C12orf42: variants seen among roughly 807,000 people sequenced by gnomAD.
C12orf42 encodes the protein chromosome 12 open reading frame 42.
Under a neutral mutation model 21.6 loss-of-function variants are expected in C12orf42, and 25 were observed. The ratio of observed to expected loss-of-function variants is 1.16; its 90% CI spans 0.84 to 1.62. C12orf42 has a LOEUF of 1.62. Ranked by LOEUF, C12orf42 falls within the 40% of genes most tolerant of loss-of-function variation. The pLI is 0.00. For missense variants in C12orf42, 483 were observed against 459.3 expected (o/e 1.05, Z -0.47); for synonymous variants, 174 against 175.0 (o/e 0.99, Z 0.05).
chr12:103,131,920 G>A, the C12orf42 span, among the ~76,000 whole-genome samples: 1 of 152,162 alleles, frequency 6.6e-6, no homozygotes, highest in Non-Finnish European at 1.5e-5. Context: ...TAGCGAAGGA[G>A]TGATGTTGGT....
the C12orf42 span, among the ~76,000 whole-genome samples, chr12:103,541,300 C>T: frequency 7.2e-5 from 11 of 152,098 alleles, no homozygotes; most frequent in African/African-American, 2.4e-4. Context: ...TACAGAATTC[C>T]CATTTAAGTT....
At chr12:103,251,224 A>G (rs1032437036) in intron 10 of C12orf42, among the ~76,000 whole-genome samples, 5 of 152,130 alleles carry the variant, frequency 3.3e-5, no homozygotes, top group South Asian at 2.1e-4. Flanking sequence ...ACAGCAACCA[A>G]CTTCTACACC....
the C12orf42 span, among the ~76,000 whole-genome samples, chr12:103,501,597 T>C: frequency 6.6e-6 from 1 of 152,362 alleles, no homozygotes; most frequent in Non-Finnish European, 1.5e-5. Context: ...CCACCTGTTC[T>C]TGCTCAAAGA....
At chr12:103,395,071 A>G (rs2047401424) in intron 3 of C12orf42, among the ~76,000 whole-genome samples, 1 of 152,276 alleles carries the variant, frequency 6.6e-6, no homozygotes, top group African/African-American at 2.4e-5. Context: ...AGCTAAGGAT[A>G]CAACAAAAAG....
intron 2 of C12orf42, among the ~76,000 whole-genome samples, chr12:103,448,154 C>T (rs1951697359): frequency 1.3e-5 from 2 of 152,116 alleles, no homozygotes; most frequent in South Asian, 4.1e-4. Flanking sequence ...TTATAGCCAA[C>T]TGACCTTCAA....
chr12:103,240,226 T>C (rs773088256), intron 10 of C12orf42, among the ~76,000 whole-genome samples: 2 of 152,162 alleles, frequency 1.3e-5, no homozygotes, highest in Non-Finnish European at 2.9e-5. Context: ...GAGTCAATCA[T>C]AGAGATCCTC....
intron 4 of C12orf42, among the ~76,000 whole-genome samples, chr12:103,342,448 C>T (rs567637859): frequency 1.4e-4 from 21 of 152,162 alleles, no homozygotes; most frequent in African/African-American, 4.1e-4. Flanking sequence ...CTACTGTATG[C>T]CAGGCACTAT....
the C12orf42 span, among the ~76,000 whole-genome samples, chr12:103,074,683 T>C: frequency 1.3e-5 from 2 of 152,210 alleles, no homozygotes; most frequent in African/African-American, 4.8e-5. Flanking sequence ...TAATATATAG[T>C]GATACCTATA....
At chr12:103,115,555 C>T in the C12orf42 span, among the ~76,000 whole-genome samples, 1 of 152,176 alleles carries the variant, frequency 6.6e-6, no homozygotes, top group Non-Finnish European at 1.5e-5. Context: ...GGCCTTAGTA[C>T]TCATCCATAA....
intron 4 of C12orf42, among the ~76,000 whole-genome samples, chr12:103,365,092 C>A (rs914530771): frequency 2.0e-5 from 3 of 151,932 alleles, no homozygotes; most frequent in Non-Finnish European, 1.5e-5. Context: ...ACTAGCTAAC[C>A]AGATCCAACA....
chr12:103,543,277 CA>C, the C12orf42 span, among the ~76,000 whole-genome samples: 5 of 152,152 alleles, frequency 3.3e-5, no homozygotes, highest in African/African-American at 1.2e-4. Flanking sequence ...CACTATTAAG[CA>C]ACTCATGACT....
At chr12:103,116,473 G>T in the C12orf42 span, among the ~76,000 whole-genome samples, 1 of 151,404 alleles carries the variant, frequency 6.6e-6, no homozygotes, top group African/African-American at 2.4e-5. Flanking sequence ...GTGTCATAGA[G>T]ATTCCTGGCC....
At chr12:103,137,716 T>G in the C12orf42 span, among the ~76,000 whole-genome samples, 2 of 152,202 alleles carry the variant, frequency 1.3e-5, no homozygotes, top group African/African-American at 4.8e-5. Context: ...CATGTCATTT[T>G]CAGTAACATG....
At chr12:103,312,057 C>T (rs1321643207) in intron 4 of C12orf42, among the ~76,000 whole-genome samples, 1 of 152,202 alleles carries the variant, frequency 6.6e-6, no homozygotes, top group Non-Finnish European at 1.5e-5. Context: ...TCCTTTACAA[C>T]TTGCATGTTC....
At chr12:103,136,280 G>A in the C12orf42 span, among the ~76,000 whole-genome samples, 2 of 151,940 alleles carry the variant, frequency 1.3e-5, no homozygotes, top group African/African-American at 4.8e-5. Flanking sequence ...AATAAAGAAA[G>A]CTATATAAAA....
the C12orf42 span, among the ~76,000 whole-genome samples, chr12:103,519,912 A>G: frequency 1.7e-4 from 26 of 152,290 alleles, 1 homozygote; most frequent in South Asian, 2.1e-3. Flanking sequence ...TCATCCTGAG[A>G]GCAAGTTTAC....
chr12:103,428,727 C>G (rs1950037172), intron 2 of C12orf42, among the ~76,000 whole-genome samples: 1 of 152,108 alleles, frequency 6.6e-6, no homozygotes, highest in South Asian at 2.1e-4. Context: ...TAATAAAATA[C>G]TGGCAAACTG....
chr12:103,530,487 A>AGCCCCATGTGTT, the C12orf42 span, among the ~76,000 whole-genome samples: 1 of 152,144 alleles, frequency 6.6e-6, no homozygotes, highest in Non-Finnish European at 1.5e-5. Context: ...CGAGTGGGAA[A>AGCCCCATGTGTT]GCCCCATGTG....
At chr12:103,477,593 G>A (rs1592977271) in intron 2 of C12orf42, among the ~76,000 whole-genome samples, 1 of 152,158 alleles carries the variant, frequency 6.6e-6, no homozygotes, top group East Asian at 1.9e-4. Context: ...GGTTGAAGAG[G>A]GAGGCAGAAG....
Sources: gnomAD v4.1 joint callset for allele counts (sites outside exome capture counted in the v4.1 genomes callset) on GRCh38, gnomAD v4.1.1 for gene constraint, MANE v1.5 for transcripts, NCBI Gene and HGNC (gene_info 2026-07-23, HGNC 2026-07-21) for gene names.